The following HSD17B2 variants were observed in gnomAD, a reference collection of about 807,000 sequenced individuals.
The protein encoded by HSD17B2 is hydroxysteroid 17-beta dehydrogenase 2.
In HSD17B2, 32 loss-of-function variants were observed where a neutral mutation model predicts 26.9. That is an observed-to-expected ratio of 1.19 (90% CI 0.90 to 1.60). HSD17B2 has a LOEUF of 1.60. HSD17B2 is among the 40% of genes most tolerant of loss of function. The pLI is 0.00. For missense variants in HSD17B2, 613 were observed against 468.6 expected, an observed-to-expected ratio of 1.31 and a Z score of -2.85; for synonymous variants, 246 against 186.7, an observed-to-expected ratio of 1.32 and a Z score of -2.59.
chr16:82,058,707 G>A (rs1914347809), intron 1 of HSD17B2, among the ~76,000 whole-genome samples: 1 of 152,150 alleles, frequency 6.6e-6, no homozygotes, highest in Admixed American at 6.5e-5. Context: ...CTGAATTACA[G>A]TCATCTGTAC....
chr16:82,054,820 T>C (rs1453347230), intron 1 of HSD17B2, among the ~76,000 whole-genome samples: 2 of 152,254 alleles, frequency 1.3e-5, no homozygotes, highest in African/African-American at 4.8e-5. Flanking sequence ...GAAATATTTC[T>C]ATTTTTTTTA....
intron 3 of HSD17B2, among the ~76,000 whole-genome samples, chr16:82,084,017 A>G (rs1175645605): frequency 6.6e-6 from 1 of 152,216 alleles, no homozygotes; most frequent in African/African-American, 2.4e-5. Context: ...TCGCATAAAC[A>G]CTTGTGTGCA....
Position 82,035,413 on chromosome 16 carries a change from A to C in HSD17B2, c.-12A>C, listed in dbSNP as rs781363742. On this transcript the variant is annotated 5_prime_UTR_variant, in exon 1 of 5. Transcript: ENST00000199936. ...GGCCCTGAGCACTTGAAGGTGCAGC[A>C]AGTCACTGAGAATGAGCACTTTCTT... 2 of 1,606,412 alleles carry C rather than the reference A, an allele frequency of 1.2e-6. No individual in the cohort carries two copies.
At chr16:82,078,440 T>A (rs530376643) in intron 3 of HSD17B2, among the ~76,000 whole-genome samples, 48 of 152,304 alleles carry the variant, frequency 3.2e-4, no homozygotes, top group African/African-American at 1.2e-3. Flanking sequence ...TTCATGGGGA[T>A]GTAAATTAGT....
chr16:82,036,869 T>G (rs1439798762), intron 1 of HSD17B2, among the ~76,000 whole-genome samples: 1 of 152,176 alleles, frequency 6.6e-6, no homozygotes, highest in Non-Finnish European at 1.5e-5. Flanking sequence ...CTCAAATGGC[T>G]TATCGGTGAA....
chr16:82,035,529 G>T lies in HSD17B2; in HGVS notation c.105G>T (p.Trp35Cys). The T allele has an allele frequency of 6.2e-7, 1 of 1,614,124 alleles. No homozygotes were observed. Among genetic ancestry groups the T allele is most frequent in the Non-Finnish European group, 8.5e-7 (1 of 1,180,038 alleles). Residue 35 changes from tryptophan (W) to cysteine (C), a missense_variant, in exon 1 of 5, where the codon TGG becomes TGT. Coordinates refer to ENST00000199936, the MANE Select transcript of HSD17B2 (RefSeq NM_002153.3). ...CKYKKSSGQLWSWMVCLAGLC... is the reference protein window; with the variant it reads ...CKYKKSSGQLCSWMVCLAGLC... ...ACAAGAAGAGCTCAGGGCAGCTGTG[G>T]AGCTGGATGGTCTGCCTGGCAGGCC...
At chr16:82,084,411 T>C (rs1904464541) in intron 3 of HSD17B2, among the ~76,000 whole-genome samples, 3 of 152,114 alleles carry the variant, frequency 2.0e-5, no homozygotes, top group Admixed American at 2.0e-4. Context: ...AAACCTCTGA[T>C]CTTGGCTGCA....
intron 1 of HSD17B2, among the ~76,000 whole-genome samples, chr16:82,066,952 C>G (rs1422591155): frequency 6.6e-6 from 1 of 152,172 alleles, no homozygotes; most frequent in Non-Finnish European, 1.5e-5. Flanking sequence ...CATTTATGTG[C>G]CTGCAAGTAT....
At chr16:82,094,260 C>A (rs888099356) in intron 4 of HSD17B2, 1 of 152,186 alleles carries the variant, frequency 6.6e-6, no homozygotes, top group African/African-American at 2.4e-5. Flanking sequence ...TGTTCAAATG[C>A]CTCTGAAAGA....
rs2873503 is a variant in HSD17B2 at position 82,090,769 on chromosome 16, G to A, written c.665-133G>A. The stretch of plus-strand genomic sequence containing the variant: ...AGAACATTGCTCACCTGGGCTCAGG[G>A]GGCCTTGCCTGCCTTTGTCTGCCCA... On this transcript the variant is annotated intron_variant, in intron 3 of 4. Coordinates refer to ENST00000199936, the MANE Select transcript of HSD17B2 (RefSeq NM_002153.3). The A allele has an allele frequency of 1.9e-5, 15 of 784,864 alleles. No individual in the cohort carries two copies. In the African/African-American group the frequency reaches 2.1e-4, roughly 11 times the overall value. The allele number at this position is 784,864 out of a possible 1,614,324, so 48.6% of individuals were successfully genotyped here. A position where few individuals can be genotyped will look rare whatever the true frequency, so the allele number is the denominator to read the frequency against.
intron 1 of HSD17B2, among the ~76,000 whole-genome samples, chr16:82,062,289 G>A (rs1468266070): frequency 2.0e-5 from 3 of 152,188 alleles, no homozygotes; most frequent in South Asian, 2.1e-4. Flanking sequence ...TTTCCAGGCT[G>A]CTAGAGACAG....
chr16:82,083,431 G>A (rs920373437), intron 3 of HSD17B2, among the ~76,000 whole-genome samples: 2 of 152,244 alleles, frequency 1.3e-5, no homozygotes, highest in Non-Finnish European at 2.9e-5. Flanking sequence ...TGACAACTGC[G>A]TGACCTTGGG....
chr16:82,059,122 A>G (rs912994796), intron 1 of HSD17B2, among the ~76,000 whole-genome samples: 1 of 152,174 alleles, frequency 6.6e-6, no homozygotes, highest in Non-Finnish European at 1.5e-5. Context: ...AGGAAACTGG[A>G]GTTCTCTATA....
intron 4 of HSD17B2, chr16:82,092,218 A>G (rs911476244): frequency 2.0e-5 from 3 of 152,072 alleles, no homozygotes; most frequent in African/African-American, 7.2e-5. Flanking sequence ...CAGCTTCTTT[A>G]TATTTCAGAA....
chr16:82,095,908 G>A (rs904678515), intron 4 of HSD17B2: 1 of 152,148 alleles, frequency 6.6e-6, no homozygotes, highest in Non-Finnish European at 1.5e-5. Context: ...TATGAACAAG[G>A]AAGGAATGTA....
At chr16:82,070,884 G>A in intron 2 of HSD17B2, 58 bp from the exon 3 acceptor site, 1 of 1,497,318 alleles carries the variant, frequency 6.7e-7, no homozygotes, top group Non-Finnish European at 9.2e-7. Context: ...AGGTATTGCA[G>A]GTTGTGTTAT....
chr16:82,078,215 C>T (rs1216620308), intron 3 of HSD17B2, among the ~76,000 whole-genome samples: 1 of 152,102 alleles, frequency 6.6e-6, no homozygotes, highest in African/African-American at 2.4e-5. Context: ...TTAAAATGTA[C>T]AAAAGATCTG....
rs777376034 is a variant in HSD17B2 at position 82,071,200 on chromosome 16, G to A, written c.664+73G>A. Reference sequence around the variant, plus strand: ...ATGGCTCATGGCATTCTATGTGGGCGAACAAAAATGCAGGGCATGCAAAGG... The same window carrying A: ...ATGGCTCATGGCATTCTATGTGGGCAAACAAAAATGCAGGGCATGCAAAGG... On this transcript the variant is annotated intron_variant, in intron 3 of 4. Transcript: ENST00000199936. 44 of 1,429,712 alleles carry A rather than the reference G, an allele frequency of 3.1e-5. No individual in the cohort carries two copies. The Admixed American group carries it at 4.7e-4, about 15-fold the overall frequency. 88.6% of individuals were successfully genotyped at this position (1,429,712 alleles called of 1,614,324 possible).
Position 82,098,178 on chromosome 16 carries a change from A to T in HSD17B2, c.906A>T (p.Ala302=), listed in dbSNP as rs371619319. The T allele has an allele frequency of 1.4e-4, 231 of 1,614,124 alleles. 1 individual carries two copies. Among genetic ancestry groups the T allele is most frequent in the South Asian group, 1.3e-3 (119 of 91,084 alleles). The change falls in exon 5 of 5, where the codon GCA becomes GCT. Residue 302 remains alanine, a synonymous_variant. Transcript: ENST00000199936. The part of the protein sequence containing the change: ...QEDYGQDYIL[A]QRNFLLLINS... ...ACTACGGCCAGGACTACATCTTAGC[A>T]CAGCGGAATTTCCTCCTATTGATCA...
Sources: gnomAD v4.1 joint callset for allele counts (sites outside exome capture counted in the v4.1 genomes callset) on GRCh38, gnomAD v4.1.1 for gene constraint, MANE v1.5 for transcripts, NCBI Gene and HGNC (gene_info 2026-07-23, HGNC 2026-07-21) for gene names.